Variants in FAM83D observed in about 807,000 individuals in gnomAD.
The protein encoded by FAM83D is protein FAM83D.
Under a neutral mutation model 25.4 loss-of-function variants are expected in FAM83D, and 26 were observed. The ratio of observed to expected loss-of-function variants is 1.02; its 90% CI spans 0.75 to 1.42. The LOEUF (loss-of-function observed/expected upper bound fraction) is 1.42. Among genes scored for constraint, FAM83D ranks in the 40% most tolerant of loss-of-function variants. The probability of loss-of-function intolerance (pLI) is 0.00; values close to 1 mark genes in which losing one functional copy is unlikely to be tolerated. For missense variants in FAM83D, 740 were observed against 758.1 expected (o/e 0.98, Z 0.28); for synonymous variants, 310 against 318.5 (o/e 0.97, Z 0.28).
intron 1 of FAM83D, among the ~76,000 whole-genome samples, chr20:38,936,120 AC>A (rs1420849358): frequency 6.6e-6 from 1 of 152,154 alleles, no homozygotes; most frequent in Admixed American, 6.5e-5. Flanking sequence ...CATGTTGCAC[AC>A]CTGACCTCAC....
At chr20:38,927,493 C>G (rs1423647066) in intron 1 of FAM83D, among the ~76,000 whole-genome samples, 1 of 124,502 alleles carries the variant, frequency 8.0e-6, no homozygotes, top group East Asian at 2.4e-4. Flanking sequence ...CTTTTTCTTT[C>G]TTGTCTTTTT....
chr20:38,936,064 C>T (rs1204988174), intron 1 of FAM83D, among the ~76,000 whole-genome samples: 4 of 152,202 alleles, frequency 2.6e-5, no homozygotes, highest in African/African-American at 9.6e-5. Flanking sequence ...TTGACCACAG[C>T]ACAGGCTGAC....
intron 2 of FAM83D, among the ~76,000 whole-genome samples, chr20:38,943,292 G>A (rs1219044893): frequency 6.6e-6 from 1 of 152,146 alleles, no homozygotes; most frequent in African/African-American, 2.4e-5. Context: ...CCAAAGTGCT[G>A]GGATTACAGG....
chr20:38,928,650 A>G (rs1480117416), intron 1 of FAM83D, among the ~76,000 whole-genome samples: 3 of 152,204 alleles, frequency 2.0e-5, no homozygotes, highest in Non-Finnish European at 4.4e-5. Context: ...TTTTAGTGAT[A>G]GCAAAAGGGC....
intron 1 of FAM83D, among the ~76,000 whole-genome samples, chr20:38,932,412 G>A (rs560375373): frequency 4.6e-5 from 7 of 152,242 alleles, no homozygotes; most frequent in Admixed American, 1.3e-4. Flanking sequence ...ACACAATTAC[G>A]TATAGCATGG....
chr20:38,928,687 T>C (rs2145798586), intron 1 of FAM83D, among the ~76,000 whole-genome samples: 1 of 152,282 alleles, frequency 6.6e-6, no homozygotes, highest in East Asian at 1.9e-4. Flanking sequence ...AGAGGGAAAC[T>C]ATTAAACTCA....
In FAM83D at chr20:38,952,148, A is replaced by G; in HGVS notation, c.1386A>G (p.Ser462=). 1 of 1,614,182 alleles carries G rather than the reference A, an allele frequency of 6.2e-7. No individual in the cohort carries two copies. Among genetic ancestry groups the G allele is most frequent in the Non-Finnish European group, 8.5e-7 (1 of 1,180,032 alleles). ...FPRGTQSTEG[S]PVSKMSVSRS... ...GAGGAACTCAATCTACAGAAGGGTC[A>G]CCAGTCTCAAAAATGTCTGTATCGA... Residue 462 remains serine, a synonymous_variant, in exon 4 of 4, where the codon TCA becomes TCG. Coordinates refer to ENST00000619850, the MANE Select transcript of FAM83D (RefSeq NM_030919.3).
At chr20:38,932,680 C>T (rs77444072) in intron 1 of FAM83D, among the ~76,000 whole-genome samples, 4,167 of 152,296 alleles carry the variant, frequency 0.027, 203 homozygotes, top group African/African-American at 0.095. Flanking sequence ...TGGCCGCCTG[C>T]CTGGAAGGGC....
intron 3 of FAM83D, among the ~76,000 whole-genome samples, chr20:38,950,678 C>CT (rs1417273966): frequency 6.6e-6 from 1 of 152,332 alleles, no homozygotes; most frequent in East Asian, 1.9e-4. Flanking sequence ...TGGAGTCCAG[C>CT]AGTAGCTCCC....
Position 38,926,792 on chromosome 20 carries a change from G to A in FAM83D, c.350G>A (p.Trp117Ter). 1 of 1,545,426 alleles carries A rather than the reference G, an allele frequency of 6.5e-7. No homozygotes were observed. Among genetic ancestry groups the A allele is most frequent in the Non-Finnish European group, 8.7e-7 (1 of 1,151,524 alleles). Residue 117 changes from tryptophan (W) to a stop codon, truncating the protein, a stop_gained, in exon 1 of 4, where the codon TGG (tryptophan) becomes TAG (stop). Transcript: ENST00000619850. LOFTEE classifies it high-confidence loss of function. Reference protein sequence around the residue: ...DLEPPLLELGWPAFYQGAYRG... With the variant: ...DLEPPLLELG ...GAGCCACCGCTGTTGGAGCTTGGCT[G>A]GCCCGCCTTCTACCAGGGCGCCTAC...
At chr20:38,951,254 T>C (rs1347666839) in intron 3 of FAM83D, among the ~76,000 whole-genome samples, 1 of 152,060 alleles carries the variant, frequency 6.6e-6, no homozygotes, top group African/African-American at 2.4e-5. Context: ...CTGAGCAACA[T>C]AGCAAGACCC....
At chr20:38,948,964 A>T (rs559061091) in intron 3 of FAM83D, among the ~76,000 whole-genome samples, 92 of 152,312 alleles carry the variant, frequency 6.0e-4, no homozygotes, top group African/African-American at 2.1e-3. Context: ...GAAGTTTATT[A>T]AAAAAATTTG....
Position 38,934,923 on chromosome 20 carries a change from G to A in FAM83D, c.484-7036G>A, listed in dbSNP as rs16987682. ...TTCTGTCATCTTGGAAGGTTCTATT[G>A]GGCCACGCTAGTCTAGAACAATGTG... On this transcript the variant is annotated intron_variant, in intron 1 of 3. Transcript: ENST00000619850. 3.2e-3 allele frequency among the ~76,000 whole-genome samples: 483 copies of A among 152,222 alleles called. 2 individuals are homozygous for A. Among genetic ancestry groups the A allele is most frequent in the African/African-American group, 0.011 (460 of 41,532 alleles).
chr20:38,937,585 G>A (rs1174831613), intron 1 of FAM83D, among the ~76,000 whole-genome samples: 1 of 152,224 alleles, frequency 6.6e-6, no homozygotes, highest in Non-Finnish European at 1.5e-5. Context: ...CTGGGACACA[G>A]GAATGGGGGA....
At chr20:38,951,150 G>C (rs1194522244) in intron 3 of FAM83D, among the ~76,000 whole-genome samples, 1 of 152,122 alleles carries the variant, frequency 6.6e-6, no homozygotes, top group Non-Finnish European at 1.5e-5. Context: ...AAACTCTGAG[G>C]CAAGGACCAG....
chr20:38,941,816 C>A, intron 1 of FAM83D, 143 bp from the exon 2 acceptor site: 1 of 793,602 alleles, frequency 1.3e-6, no homozygotes. Flanking sequence ...GAGGGGGGCA[C>A]CAACACTGCA....
chr20:38,926,721 G>T lies in FAM83D; in HGVS notation c.279G>T (p.Ser93=). ...CGGCCGAGGACTCGTTCGGCTCCTC[G>T]CACGACTGCTCTTCGGGCACCTACT... is the stretch of plus-strand genomic sequence containing the variant. The part of the protein sequence containing the change: ...AAAAEDSFGS[S]HDCSSGTYFP... The change falls in exon 1 of 4, where the codon TCG becomes TCT. Residue 93 remains serine, a synonymous_variant. Transcript: ENST00000619850. 2 of 1,524,558 alleles carry T rather than the reference G, an allele frequency of 1.3e-6. No individual in the cohort carries two copies. Among genetic ancestry groups the T allele is most frequent in the South Asian group, 2.4e-5 (2 of 82,436 alleles). The allele number at this position is 1,524,558 out of a possible 1,614,324, so 94.4% of individuals were successfully genotyped here. A position where few individuals can be genotyped will look rare whatever the true frequency, so the allele number is the denominator to read the frequency against.
chr20:38,944,755 C>T (rs925317559), intron 2 of FAM83D, among the ~76,000 whole-genome samples: 2 of 152,074 alleles, frequency 1.3e-5, no homozygotes, highest in East Asian at 1.9e-4. Context: ...CTGGCTAACA[C>T]GGTGAAACCG....
chr20:38,948,043 C>T (rs749760862), intron 3 of FAM83D, 43 bp downstream of exon 3: 3 of 1,604,066 alleles, frequency 1.9e-6, no homozygotes, highest in Non-Finnish European at 2.6e-6. Flanking sequence ...CTAAACTCTT[C>T]AGAAGAAGCA....
Sources: gnomAD v4.1 joint callset for allele counts (sites outside exome capture counted in the v4.1 genomes callset) on GRCh38, gnomAD v4.1.1 for gene constraint, MANE v1.5 for transcripts, NCBI Gene and HGNC (gene_info 2026-07-23, HGNC 2026-07-21) for gene names.